SVEP1: variants seen among roughly 807,000 people sequenced by gnomAD.
SVEP1 encodes sushi, von Willebrand factor type A, EGF and pentraxin domain-containing protein 1.
Under a neutral mutation model 367.3 loss-of-function variants are expected in SVEP1, and 164 were observed. That is an observed-to-expected ratio of 0.45 (90% CI 0.39 to 0.51). The LOEUF (loss-of-function observed/expected upper bound fraction) is 0.51. SVEP1 is among the 20% of genes least tolerant of loss of function. The pLI, the probability that SVEP1 is intolerant of heterozygous loss-of-function variation, is 0.00. For synonymous variants in SVEP1, 1,666 were observed against 1,611.6 expected (o/e 1.03, Z -0.81); for missense variants, 4,117 against 4,425.3 (o/e 0.93, Z 1.98).
chr9:110,577,184 T>G (rs1308800279), intron 1 of SVEP1, among the ~76,000 whole-genome samples: 1 of 152,076 alleles, frequency 6.6e-6, no homozygotes, highest in Non-Finnish European at 1.5e-5. Flanking sequence ...GGGTAAGAAT[T>G]AACTAGAAAA....
chr9:110,379,303 C>T, intron 44 of SVEP1, 44 bp downstream of exon 44: 1 of 1,594,668 alleles, frequency 6.3e-7, no homozygotes, highest in South Asian at 1.1e-5. Context: ...ATACACATTT[C>T]CCTGCAGTTT....
chr9:110,459,294 T>A (rs1489431966), intron 18 of SVEP1, among the ~76,000 whole-genome samples, 181 bp from the exon 19 acceptor site: 1 of 152,244 alleles, frequency 6.6e-6, no homozygotes, highest in South Asian at 2.1e-4. Flanking sequence ...CCTTCCTATC[T>A]TTAGTAACAC....
chr9:110,368,728 T>C (rs1827234995), intron 47 of SVEP1, among the ~76,000 whole-genome samples: 1 of 152,192 alleles, frequency 6.6e-6, no homozygotes, highest in Non-Finnish European at 1.5e-5. Flanking sequence ...TAAATTCAGC[T>C]CTGCTCTCAG....
chr9:110,387,754 T>C (rs1827548784), intron 41 of SVEP1, among the ~76,000 whole-genome samples: 1 of 152,174 alleles, frequency 6.6e-6, no homozygotes. Flanking sequence ...TAAAACAATC[T>C]CATTGTAAGT....
chr9:110,387,500 A>ATTCCTCTTTC, intron 41 of SVEP1, 42 bp from the exon 42 acceptor site: 1 of 1,525,122 alleles, frequency 6.6e-7, no homozygotes, highest in Non-Finnish European at 8.8e-7. Context: ...TGCTTCCCCA[A>ATTCCTCTTTC]TTCCTCTTTC....
intron 1 of SVEP1, among the ~76,000 whole-genome samples, chr9:110,554,658 T>C (rs769467696): frequency 8.6e-5 from 13 of 152,030 alleles, no homozygotes; most frequent in Non-Finnish European, 1.8e-4. Flanking sequence ...TGAGTATCAA[T>C]AAAAATAATT....
At chr9:110,497,235 T>A (rs1829464647) in intron 7 of SVEP1, among the ~76,000 whole-genome samples, 1 of 151,704 alleles carries the variant, frequency 6.6e-6, no homozygotes. Flanking sequence ...CCTGGGCCCT[T>A]ACCTATGTTC....
At chr9:110,455,149 A>G (rs1463426296) in intron 22 of SVEP1, among the ~76,000 whole-genome samples, 3 of 152,222 alleles carry the variant, frequency 2.0e-5, no homozygotes, top group Non-Finnish European at 4.4e-5. Context: ...ACACACATGA[A>G]CATCCACAGA....
At chr9:110,558,333 CAAAAAAAA>C (rs60516091) in intron 1 of SVEP1, among the ~76,000 whole-genome samples, 4 of 88,332 alleles carry the variant, frequency 4.5e-5, no homozygotes, top group Admixed American at 1.3e-4. Flanking sequence ...CCTGTCTCTA[CAAAAAAAA>C]AAAAAAAAAA....
At chr9:110,546,325 T>G (rs990498418) in intron 2 of SVEP1, 34 bp from the exon 3 acceptor site, 1 of 1,550,900 alleles carries the variant, frequency 6.4e-7, no homozygotes, top group Non-Finnish European at 8.7e-7. Context: ...GCGATAAAAA[T>G]GAGTCACAGT....
chr9:110,534,918 G>A (rs979153989), intron 3 of SVEP1, among the ~76,000 whole-genome samples: 5 of 151,884 alleles, frequency 3.3e-5, no homozygotes. Flanking sequence ...CTGGATATTA[G>A]GCCTTTGTCA....
chr9:110,459,141 G>T (rs1828819878), intron 18 of SVEP1, 28 bp from the exon 19 acceptor site: 1 of 1,605,996 alleles, frequency 6.2e-7, no homozygotes, highest in South Asian at 1.1e-5. Context: ...AATCATATGT[G>T]CATATAAAGT....
chr9:110,438,177 A>ATTTTTTTTTTTT (rs10593866), intron 27 of SVEP1, among the ~76,000 whole-genome samples: 1 of 75,538 alleles, frequency 1.3e-5, no homozygotes, highest in African/African-American at 5.1e-5. Context: ...TAGTTATGCT[A>ATTTTTTTTTTTT]TTTTTTTTTT....
chr9:110,521,585 A>T (rs543710283), intron 3 of SVEP1, among the ~76,000 whole-genome samples: 1 of 152,346 alleles, frequency 6.6e-6, no homozygotes, highest in East Asian at 1.9e-4. Flanking sequence ...ACACATACAC[A>T]CTCAAAAATA....
intron 47 of SVEP1, 103 bp downstream of exon 47, chr9:110,369,816 ATACT>A (rs1389641527): frequency 4.6e-6 from 4 of 870,682 alleles, no homozygotes; most frequent in African/African-American, 3.4e-5. Flanking sequence ...CACATACAAA[ATACT>A]TACAGTCAAA....
At chr9:110,397,856 T>C (rs1468729307) in intron 40 of SVEP1, among the ~76,000 whole-genome samples, 2 of 151,962 alleles carry the variant, frequency 1.3e-5, no homozygotes, top group Non-Finnish European at 2.9e-5. Flanking sequence ...TACAAAGAAA[T>C]GGAAGAACAT....
chr9:110,451,983 G>C (rs1828701472), intron 22 of SVEP1, among the ~76,000 whole-genome samples: 1 of 152,158 alleles, frequency 6.6e-6, no homozygotes, highest in Admixed American at 6.5e-5. Flanking sequence ...GACAGGCACA[G>C]AAATGAGCCT....
chr9:110,435,219 T>C lies in SVEP1; in HGVS notation c.4888+22A>G, dbSNP rs774603706. ...AGGGTGGTCAAGAGATAGTGGAGTC[T>C]ATGAAAGAAGGAAATTCTCACCAGA... On this transcript the variant is annotated intron_variant, in intron 29 of 47. Coordinates refer to ENST00000374469, the MANE Select transcript of SVEP1 (RefSeq NM_153366.4). The C allele has an allele frequency of 3.7e-6, 6 of 1,610,514 alleles. No individual in the cohort carries two copies. In the African/African-American group the frequency reaches 8.0e-5, roughly 22 times the overall value.
At chr9:110,503,511 A>G (rs539647488) in intron 5 of SVEP1, among the ~76,000 whole-genome samples, 1 of 152,308 alleles carries the variant, frequency 6.6e-6, no homozygotes, top group African/African-American at 2.4e-5. Flanking sequence ...TGTAGATTAG[A>G]GGTGATCACA....
Sources: allele counts gnomAD v4.1 joint callset (sites outside exome capture counted in the v4.1 genomes callset), GRCh38; gene constraint gnomAD v4.1.1; transcripts MANE v1.5; gene names NCBI Gene and HGNC (gene_info 2026-07-23, HGNC 2026-07-21).